TMEM132D: variants seen among roughly 807,000 people sequenced by gnomAD.
TMEM132D encodes transmembrane protein 132D.
TMEM132D carries 21 observed loss-of-function variants against 62.3 expected under a neutral mutation model. The observed-to-expected ratio is 0.34, with a 90% CI of 0.24 to 0.49. The LOEUF is 0.49. Among genes scored for constraint, TMEM132D ranks in the 20% least tolerant of loss-of-function variants. The probability of loss-of-function intolerance (pLI) is 0.99; values close to 1 mark genes in which losing one functional copy is unlikely to be tolerated. For synonymous variants in TMEM132D, 621 were observed against 575.6 expected, an observed-to-expected ratio of 1.08 and a Z score of -1.13; for missense variants, 1,346 against 1,402.8, an observed-to-expected ratio of 0.96 and a Z score of 0.65.
At chr12:129,136,969 A>T (rs1876591777) in intron 5 of TMEM132D, among the ~76,000 whole-genome samples, 1 of 149,732 alleles carries the variant, frequency 6.7e-6, no homozygotes, top group Non-Finnish European at 1.5e-5. Context: ...CATTATCATC[A>T]TCACCATCAA....
intron 3 of TMEM132D, among the ~76,000 whole-genome samples, chr12:129,525,226 G>GTTT (rs765569025): frequency 0.029 from 1,974 of 67,336 alleles, 383 homozygotes; most frequent in Non-Finnish European, 0.046. Context: ...TGCCCAGCCG[G>GTTT]TTTTTTTTTT....
intron 3 of TMEM132D, among the ~76,000 whole-genome samples, chr12:129,424,202 T>TA (rs5801853): frequency 0.17 from 25,215 of 148,638 alleles, 2,653 homozygotes; most frequent in Non-Finnish European, 0.25. Flanking sequence ...AATTTTTTTG[T>TA]AAAAAAAAAA....
intron 2 of TMEM132D, among the ~76,000 whole-genome samples, chr12:129,551,114 C>T (rs1356762516): frequency 4.6e-5 from 7 of 152,220 alleles, no homozygotes; most frequent in African/African-American, 1.7e-4. Context: ...TTGGAGTGGG[C>T]CTTCACAGGA....
rs150223059 is a variant in TMEM132D at position 129,674,137 on chromosome 12, A to T, written c.968+25673T>A. On this transcript the variant is annotated intron_variant, in intron 2 of 8. Coordinates refer to ENST00000422113, the MANE Select transcript of TMEM132D (RefSeq NM_133448.3). ...AGTCAAGAGTTTGAAAAGCAGAATT[A>T]AAATGAATCTTCCTCAAACCCATGC... is the stretch of plus-strand genomic sequence containing the variant. 2.4e-3 allele frequency among the ~76,000 whole-genome samples: 362 copies of T among 152,336 alleles called. 3 individuals carry two copies. Among genetic ancestry groups the T allele is most frequent in the African/African-American group, 8.2e-3 (343 of 41,580 alleles).
chr12:129,250,731 G>A (rs1880242680), intron 4 of TMEM132D, among the ~76,000 whole-genome samples: 1 of 152,194 alleles, frequency 6.6e-6, no homozygotes, highest in South Asian at 2.1e-4. Flanking sequence ...TGGGGAGGAT[G>A]ACCAAGCCCT....
Position 129,625,568 on chromosome 12 carries a change from G to A in TMEM132D, c.968+74242C>T, listed in dbSNP as rs571510603. On this transcript the variant is annotated intron_variant, in intron 2 of 8. Coordinates refer to ENST00000422113, the MANE Select transcript of TMEM132D (RefSeq NM_133448.3). Reference sequence around the variant, plus strand: ...ATACGAGACACTTTCATTGCTCTAGGCTGACGATATGCTCACAGTTTTTAC... The same window carrying A: ...ATACGAGACACTTTCATTGCTCTAGACTGACGATATGCTCACAGTTTTTAC... 1.0e-3 allele frequency among the ~76,000 whole-genome samples: 157 copies of A among 152,274 alleles called. 1 individual carries two copies. The highest frequency in any genetic ancestry group is 3.6e-3 in the African/African-American group (149 of 41,552).
chr12:129,113,942 C>T (rs865904717), intron 5 of TMEM132D, among the ~76,000 whole-genome samples: 18 of 152,050 alleles, frequency 1.2e-4, no homozygotes, highest in Middle Eastern at 3.4e-3. Flanking sequence ...ATGGAATGGA[C>T]AGTAAGGGCT....
intron 4 of TMEM132D, among the ~76,000 whole-genome samples, chr12:129,238,136 CCCT>C (rs1470527761): frequency 6.6e-6 from 1 of 152,034 alleles, no homozygotes; most frequent in Admixed American, 6.6e-5. Context: ...GTGGGTTTTG[CCCT>C]CCTGATGGTG....
chr12:129,781,160 G>T (rs1206712235), intron 1 of TMEM132D, among the ~76,000 whole-genome samples: 1 of 152,190 alleles, frequency 6.6e-6, no homozygotes, highest in Non-Finnish European at 1.5e-5. Flanking sequence ...GTCTCTTAAT[G>T]ATTGTACAGA....
intron 1 of TMEM132D, among the ~76,000 whole-genome samples, chr12:129,719,058 G>A (rs896808407): frequency 6.9e-5 from 10 of 144,758 alleles, no homozygotes; most frequent in Middle Eastern, 7.5e-3. Context: ...GAAACATGGC[G>A]AGACCTCCTC....
chr12:129,796,502 A>T (rs1401827842), intron 1 of TMEM132D, among the ~76,000 whole-genome samples: 1 of 152,202 alleles, frequency 6.6e-6, no homozygotes, highest in Non-Finnish European at 1.5e-5. Flanking sequence ...CCTGTCACAC[A>T]GGTTTGTTGC....
chr12:129,543,737 A>G (rs1876656124), intron 2 of TMEM132D, among the ~76,000 whole-genome samples: 1 of 152,236 alleles, frequency 6.6e-6, no homozygotes, highest in Admixed American at 6.5e-5. Flanking sequence ...TTGAACCACC[A>G]TAAGCTAAGG....
At chr12:129,492,660 T>C (rs1874831815) in intron 3 of TMEM132D, among the ~76,000 whole-genome samples, 2 of 152,194 alleles carry the variant, frequency 1.3e-5, no homozygotes, top group South Asian at 4.1e-4. Flanking sequence ...TTAGTAATGC[T>C]CCTGGTTGAG....
chr12:129,147,065 AAAG>A (rs1426569621), intron 5 of TMEM132D, among the ~76,000 whole-genome samples: 1 of 152,148 alleles, frequency 6.6e-6, no homozygotes, highest in Non-Finnish European at 1.5e-5. Flanking sequence ...AGAATAATGC[AAAG>A]AAAAGAATAC....
chr12:129,480,811 T>A (rs1339297874), intron 3 of TMEM132D, among the ~76,000 whole-genome samples: 4 of 152,150 alleles, frequency 2.6e-5, no homozygotes, highest in African/African-American at 9.7e-5. Flanking sequence ...AGTGCATGTG[T>A]CCCCTATGGC....
At chr12:129,855,122 GCCCT>G (rs1454252665) in intron 1 of TMEM132D, among the ~76,000 whole-genome samples, 96 of 136,966 alleles carry the variant, frequency 7.0e-4, no homozygotes, top group African/African-American at 2.5e-3. Flanking sequence ...CGGGATGGCT[GCCCT>G]TGTAACAGAG....
At chr12:129,618,145 A>G (rs777579168) in intron 2 of TMEM132D, among the ~76,000 whole-genome samples, 3 of 152,200 alleles carry the variant, frequency 2.0e-5, no homozygotes, top group African/African-American at 4.8e-5. Context: ...AGCCAACGTG[A>G]AATGCCATGA....
intron 1 of TMEM132D, among the ~76,000 whole-genome samples, chr12:129,833,132 A>G (rs571290323): frequency 1.3e-5 from 2 of 152,304 alleles, no homozygotes; most frequent in Admixed American, 1.3e-4. Flanking sequence ...ACACAACTCT[A>G]CTTGGCTTTC....
chr12:129,886,884 T>G (rs1270518987), intron 1 of TMEM132D, among the ~76,000 whole-genome samples: 3 of 152,182 alleles, frequency 2.0e-5, no homozygotes, highest in African/African-American at 7.2e-5. Flanking sequence ...TTTCCCCCTT[T>G]TGCTGGGCAC....
Sources: allele counts gnomAD v4.1 joint callset (sites outside exome capture counted in the v4.1 genomes callset), GRCh38; gene constraint gnomAD v4.1.1; transcripts MANE v1.5; gene names NCBI Gene and HGNC (gene_info 2026-07-23, HGNC 2026-07-21).